The following UBE4B variants were observed in gnomAD, a reference collection of about 807,000 sequenced individuals.
UBE4B encodes ubiquitination factor E4B.
A neutral mutation model predicts 148.1 loss-of-function variants in UBE4B; 27 were observed. The observed-to-expected ratio is 0.18, with a 90% CI of 0.13 to 0.25. UBE4B has a LOEUF of 0.25. Among genes scored for constraint, UBE4B ranks in the 10% least tolerant of loss-of-function variants. UBE4B has a pLI of 1.00. For synonymous variants in UBE4B, 596 were observed against 619.3 expected (o/e 0.96, Z 0.56); for missense variants, 1,170 against 1,662.4 (o/e 0.70, Z 5.15).
intron 23 of UBE4B, among the ~76,000 whole-genome samples, chr1:10,166,976 A>AC (rs1646260556): frequency 2.1e-5 from 3 of 142,956 alleles, no homozygotes; most frequent in South Asian, 2.2e-4. Flanking sequence ...CACACAAAAA[A>AC]AAAAAATTAG....
At chr1:10,086,799 C>T (rs1381514000) in intron 2 of UBE4B, among the ~76,000 whole-genome samples, 3 of 151,978 alleles carry the variant, frequency 2.0e-5, no homozygotes, top group African/African-American at 4.8e-5. Flanking sequence ...AAGCAATTCT[C>T]GTGCCTCAGC....
At chr1:10,159,593 G>A (rs573382043) in intron 22 of UBE4B, among the ~76,000 whole-genome samples, 1 of 152,296 alleles carries the variant, frequency 6.6e-6, no homozygotes, top group Non-Finnish European at 1.5e-5. Flanking sequence ...GCTGAGGCAG[G>A]AGAATGGCGT....
At chr1:10,101,594 C>T (rs1294463140) in intron 4 of UBE4B, among the ~76,000 whole-genome samples, 9 of 149,490 alleles carry the variant, frequency 6.0e-5, no homozygotes, top group East Asian at 3.9e-4. Flanking sequence ...CTGCAAGCTC[C>T]GCCTCCCAGG....
At chr1:10,147,737 T>A (rs1645898132) in intron 19 of UBE4B, among the ~76,000 whole-genome samples, 1 of 152,126 alleles carries the variant, frequency 6.6e-6, no homozygotes, top group Non-Finnish European at 1.5e-5. Context: ...AAGCACTGGG[T>A]CCAGGAATAC....
chr1:10,035,890 C>T (rs1461866370), intron 1 of UBE4B, among the ~76,000 whole-genome samples: 2 of 150,812 alleles, frequency 1.3e-5, no homozygotes, highest in Admixed American at 1.3e-4. Context: ...ACTACAGGCG[C>T]CCGCCACCAC....
intron 2 of UBE4B, among the ~76,000 whole-genome samples, chr1:10,077,201 T>G (rs1486184139): frequency 6.6e-6 from 1 of 152,154 alleles, no homozygotes; most frequent in Non-Finnish European, 1.5e-5. Flanking sequence ...GGGCGATGCC[T>G]CCCAATAAGG....
At chr1:10,141,707 A>T (rs116568784) in intron 17 of UBE4B, among the ~76,000 whole-genome samples, 2,424 of 152,188 alleles carry the variant, frequency 0.016, 57 homozygotes, top group African/African-American at 0.054. Flanking sequence ...GCGAAGAGGG[A>T]TGATGGGTTA....
At chr1:10,141,922 T>C (rs1645789025) in intron 17 of UBE4B, among the ~76,000 whole-genome samples, 1 of 152,348 alleles carries the variant, frequency 6.6e-6, no homozygotes, top group African/African-American at 2.4e-5. Flanking sequence ...AGCAAAGTTA[T>C]TAATTTCTTC....
chr1:10,054,969 A>G (rs1644134445), intron 1 of UBE4B, among the ~76,000 whole-genome samples: 1 of 151,982 alleles, frequency 6.6e-6, no homozygotes, highest in Admixed American at 6.6e-5. Flanking sequence ...TATTTTTAAT[A>G]GAGATGGGGT....
intron 1 of UBE4B, among the ~76,000 whole-genome samples, chr1:10,055,128 T>C (rs1644138220): frequency 6.6e-6 from 1 of 152,112 alleles, no homozygotes; most frequent in Non-Finnish European, 1.5e-5. Flanking sequence ...AAAGGTTTGG[T>C]GATTTCTAGT....
At chr1:10,066,533 C>T (rs1328440374) in intron 1 of UBE4B, among the ~76,000 whole-genome samples, 1 of 151,934 alleles carries the variant, frequency 6.6e-6, no homozygotes, top group East Asian at 1.9e-4. Flanking sequence ...TAGATTAGGC[C>T]TACTGTGAAA....
chr1:10,060,500 A>T (rs1334531582), intron 1 of UBE4B, among the ~76,000 whole-genome samples: 1 of 152,188 alleles, frequency 6.6e-6, no homozygotes, highest in Non-Finnish European at 1.5e-5. Flanking sequence ...TATGCAGCCC[A>T]TGACTGTATT....
Position 10,130,789 on chromosome 1 carries a change from G to A in UBE4B, c.1887G>A (p.Leu629=), listed in dbSNP as rs762731560. The A allele has an allele frequency of 3.4e-5, 55 of 1,614,056 alleles. No homozygotes were observed. The highest frequency in any genetic ancestry group is 4.4e-5 in the Non-Finnish European group (52 of 1,180,040). ...ACACTCGTGTGGTTAGCCAATCATT[G>A]CAGCATTACTTAGAGCTCGGAAGGG... The part of the protein sequence containing the change: ...LENTRVVSQS[L]QHYLELGRQE... Residue 629 remains leucine, a synonymous_variant, in exon 14 of 28, where the codon TTG becomes TTA. Transcript: ENST00000343090.
At chr1:10,095,930 C>A (rs996608927) in intron 3 of UBE4B, among the ~76,000 whole-genome samples, 1 of 152,042 alleles carries the variant, frequency 6.6e-6, no homozygotes, top group African/African-American at 2.4e-5. Flanking sequence ...TGCCACCATG[C>A]CTGGCTAATT....
intron 21 of UBE4B, among the ~76,000 whole-genome samples, chr1:10,153,509 A>T (rs1383113888): frequency 6.6e-6 from 1 of 151,138 alleles, no homozygotes; most frequent in Non-Finnish European, 1.5e-5. Context: ...AAAAAAAAAA[A>T]AAAAAAAAAG....
intron 2 of UBE4B, among the ~76,000 whole-genome samples, chr1:10,073,305 G>T (rs1644519148): frequency 1.3e-5 from 2 of 152,176 alleles, no homozygotes; most frequent in South Asian, 4.1e-4. Context: ...TGTCTTACTT[G>T]CTTATTTAAA....
chr1:10,064,598 C>T (rs1387716681), intron 1 of UBE4B, among the ~76,000 whole-genome samples: 2 of 152,126 alleles, frequency 1.3e-5, no homozygotes, highest in South Asian at 2.1e-4. Flanking sequence ...TATCATTACC[C>T]TTCAGTTCCA....
chr1:10,130,350 G>A lies in UBE4B; in HGVS notation c.1696-150G>A, dbSNP rs1020640669. ...CCCACACTGGCCTCCCAAAGTGCTG[G>A]GATTACAGGCGTGAGCCACCATGCC... On this transcript the variant is annotated intron_variant, in intron 12 of 27. Coordinates refer to ENST00000343090, the MANE Select transcript of UBE4B (RefSeq NM_001105562.3). The A allele has an allele frequency of 1.4e-5, 10 of 733,318 alleles. No individual in the cohort carries two copies. In the African/African-American group the frequency reaches 1.8e-4, roughly 13 times the overall value. The allele number at this position is 733,318 out of a possible 1,614,324, so 45.4% of individuals were successfully genotyped here. A position where few individuals can be genotyped will look rare whatever the true frequency, so the allele number is the denominator to read the frequency against.
chr1:10,135,609 A>G (rs993253174), intron 16 of UBE4B, among the ~76,000 whole-genome samples: 60 of 151,904 alleles, frequency 3.9e-4, no homozygotes, highest in African/African-American at 1.4e-3. Flanking sequence ...GGTGGCACGC[A>G]CCTGTAATCC....
Sources: gnomAD v4.1 joint callset for allele counts (sites outside exome capture counted in the v4.1 genomes callset) on GRCh38, gnomAD v4.1.1 for gene constraint, MANE v1.5 for transcripts, NCBI Gene and HGNC (gene_info 2026-07-23, HGNC 2026-07-21) for gene names.